LMOD3: variants seen among roughly 807,000 people sequenced by gnomAD.
LMOD3 encodes leiomodin 3, also known as leiomodin-3.
A neutral mutation model predicts 41.8 loss-of-function variants in LMOD3; 31 were observed. The ratio of observed to expected loss-of-function variants is 0.74; its 90% confidence interval spans 0.56 to 1.00. The LOEUF (loss-of-function observed/expected upper bound fraction) is 1.00. Ranked by LOEUF, LMOD3 falls within the 50% of genes least tolerant of loss-of-function variation. The pLI, the probability that LMOD3 is intolerant of heterozygous loss-of-function variation, is 0.00. For missense variants in LMOD3, 755 were observed against 679.5 expected (o/e 1.11, Z -1.23); for synonymous variants, 292 against 241.9 (o/e 1.21, Z -1.92).
rs916298895 is a variant in LMOD3, at chr3:69,106,912, T to A, written c.*2183A>T. 6.7e-6 allele frequency: 1 copy of A among 148,734 alleles called. No homozygotes were observed. The highest frequency in any genetic ancestry group is 6.7e-5 in the Admixed American group (1 of 14,908). 9.2% of individuals were successfully genotyped at this position (148,734 alleles called of 1,614,324 possible). On this transcript the variant is annotated 3_prime_UTR_variant, in exon 3 of 3. Transcript: ENST00000420581. ...TAGTAGAAATGGGGTTTCACCATGTTGGTCAGGCTGGTCTTGAACTCCTGA... is the reference window on the plus strand; with the variant it reads ...TAGTAGAAATGGGGTTTCACCATGTAGGTCAGGCTGGTCTTGAACTCCTGA...
At chr3:69,111,103 A>G (rs1455041910) in intron 2 of LMOD3, among the ~76,000 whole-genome samples, 2 of 152,090 alleles carry the variant, frequency 1.3e-5, no homozygotes, top group African/African-American at 2.4e-5. Flanking sequence ...GGGCATTTGT[A>G]TAACAATGAC....
chr3:69,112,300 G>T (rs2092353655), intron 2 of LMOD3, among the ~76,000 whole-genome samples: 1 of 152,204 alleles, frequency 6.6e-6, no homozygotes, highest in Non-Finnish European at 1.5e-5. Flanking sequence ...TTTCAGCACA[G>T]GCTATTTAAT....
At chr3:69,115,360 C>A (rs544906755) in intron 2 of LMOD3, among the ~76,000 whole-genome samples, 1 of 151,686 alleles carries the variant, frequency 6.6e-6, no homozygotes, top group South Asian at 2.1e-4. Flanking sequence ...GTGGTGAGTG[C>A]GGTCCCAGCT....
chr3:69,122,068 C>G, intron 1 of LMOD3, 25 bp downstream of exon 1: 1 of 1,589,092 alleles, frequency 6.3e-7, no homozygotes, highest in Non-Finnish European at 8.6e-7. Context: ...AGCCATTTCT[C>G]GGTTGTACAC....
Position 69,119,155 on chromosome 3 carries a change from TTTCTGCCTTTGTTTA to T in LMOD3, c.1185_1199del (p.Asp395_Lys400delinsGlu). On this transcript the variant is annotated inframe_deletion, in exon 2 of 3. Transcript: ENST00000420581. Reference sequence around the variant, plus strand: ...GCTGCTGTTTTTGCTCTTCCTGTCGTTTCTGCCTTTGTTTATCCTGATTCCTGGTGAGCAGATTAG... The same window carrying T: ...GCTGCTGTTTTTGCTCTTCCTGTCGTTCCTGATTCCTGGTGAGCAGATTAG... The T allele has an allele frequency of 6.2e-6, 10 of 1,613,912 alleles. No individual in the cohort carries two copies. The highest frequency in any genetic ancestry group is 8.5e-6 in the Non-Finnish European group (10 of 1,179,886).
At chr3:69,115,707 T>C (rs916789361) in intron 2 of LMOD3, among the ~76,000 whole-genome samples, 10 of 152,166 alleles carry the variant, frequency 6.6e-5, no homozygotes, top group African/African-American at 1.7e-4. Context: ...CAAGTGAACA[T>C]TGTCTTGTCT....
chr3:69,117,732 A>G (rs929355840), intron 2 of LMOD3, among the ~76,000 whole-genome samples: 4 of 152,172 alleles, frequency 2.6e-5, no homozygotes, highest in Non-Finnish European at 5.9e-5. Flanking sequence ...GAGCAATACA[A>G]ATGCAATTTC....
intron 2 of LMOD3, among the ~76,000 whole-genome samples, chr3:69,115,445 G>A (rs58277851): frequency 0.047 from 7,119 of 151,416 alleles, 445 homozygotes; most frequent in East Asian, 0.27. Flanking sequence ...TTGAGCTACT[G>A]CACTCCAGCC....
chr3:69,122,486 T>C lies in LMOD3; in HGVS notation c.-100A>G, dbSNP rs189115519. 693 of 879,012 alleles carry C rather than the reference T, an allele frequency of 7.9e-4. 7 individuals carry two copies. In the East Asian group the frequency reaches 0.014, roughly 18 times the overall value. 54.5% of individuals were successfully genotyped at this position (879,012 alleles called of 1,614,324 possible). The stretch of plus-strand genomic sequence containing the variant: ...TCAAGAAGGTCCCCCAGTTAACGAG[T>C]GTCCCAAGTTAACACACCCTTGAGA... On this transcript the variant is annotated 5_prime_UTR_variant, in exon 1 of 3. Transcript: ENST00000420581.
chr3:69,113,892 A>G (rs1032709784), intron 2 of LMOD3, among the ~76,000 whole-genome samples: 1 of 152,228 alleles, frequency 6.6e-6, no homozygotes, highest in African/African-American at 2.4e-5. Context: ...GGCCTATACC[A>G]GCCTAATGTC....
At chr3:69,117,471 A>G (rs1169223230) in intron 2 of LMOD3, among the ~76,000 whole-genome samples, 1 of 152,188 alleles carries the variant, frequency 6.6e-6, no homozygotes, top group Non-Finnish European at 1.5e-5. Flanking sequence ...ATATTACAGG[A>G]GATTTTAAAA....
chr3:69,118,733 T>C lies in LMOD3; in HGVS notation c.1622A>G (p.Asp541Gly), dbSNP rs2092388962. 2.5e-6 allele frequency: 4 copies of C among 1,612,616 alleles called. No individual in the cohort carries two copies. The highest frequency in any genetic ancestry group is 2.7e-5 in the African/African-American group (2 of 74,590). Residue 541 changes from aspartate to glycine, a missense_variant, in exon 2 of 3, where the codon GAC (aspartate) becomes GGC (glycine). Physicochemically the swap from Asp to Gly is moderately conservative, Grantham distance 94 (BLOSUM62 -1). Transcript: ENST00000420581. ...EITPRDQLLN[D>G]IRHSSVAYLK... ...ATAGGCGACACTGCTGTGACGAATG[T>C]CGTTTAGCAGCTGATCTCTGGGAGT... is the stretch of plus-strand genomic sequence containing the variant.
In LMOD3 at chr3:69,108,921, C is replaced by T. The variant is rs905783948; in HGVS notation, c.*174G>A. 76 of 544,310 alleles carry T rather than the reference C, an allele frequency of 1.4e-4. No individual in the cohort carries two copies. Among genetic ancestry groups the T allele is most frequent in the Middle Eastern group, 1.4e-3 (5 of 3,670 alleles). The allele number at this position is 544,310 out of a possible 1,614,324, so 33.7% of individuals were successfully genotyped here. ...CTCCTTCCACCTTCCTCTTCAGCCC[C>T]TACTTCTTCATGGCCCAAACATTCT... On this transcript the variant is annotated 3_prime_UTR_variant, in exon 3 of 3. Transcript: ENST00000420581.
intron 2 of LMOD3, among the ~76,000 whole-genome samples, chr3:69,109,873 A>G (rs1219026889): frequency 6.6e-6 from 1 of 152,142 alleles, no homozygotes; most frequent in Non-Finnish European, 1.5e-5. Context: ...AAAGCCTTGT[A>G]GGGAGAGAAA....
In LMOD3 at chr3:69,119,919, C is replaced by T; in HGVS notation, c.436G>A (p.Glu146Lys). The change falls in exon 2 of 3, where the codon GAA becomes AAA. Residue 146 changes from glutamate to lysine, a missense_variant. Physicochemically the swap from Glu to Lys is moderately conservative, Grantham distance 56. Coordinates refer to ENST00000420581, the MANE Select transcript of LMOD3 (RefSeq NM_198271.5). ...GSSNIQETDE[E>K]DEEEEDDDDD... The stretch of plus-strand genomic sequence containing the variant: ...TCATCATCTTCTTCTTCTTCATCTT[C>T]TTCATCTGTTTCTTGGATATTGCTG... The T allele has an allele frequency of 1.3e-6, 2 of 1,553,988 alleles. No homozygotes were observed. The highest frequency in any genetic ancestry group is 1.7e-6 in the Non-Finnish European group (2 of 1,146,002).
intron 2 of LMOD3, among the ~76,000 whole-genome samples, chr3:69,113,364 C>A (rs1315620939): frequency 6.6e-6 from 1 of 152,022 alleles, no homozygotes; most frequent in East Asian, 1.9e-4. Flanking sequence ...GAGAAAATTT[C>A]CCATTATGTG....
intron 2 of LMOD3, among the ~76,000 whole-genome samples, chr3:69,118,428 T>TACC (rs2092387358): frequency 6.6e-6 from 1 of 152,176 alleles, no homozygotes; most frequent in African/African-American, 2.4e-5. Context: ...TTAATTCATA[T>TACC]AACAACTCCA....
chr3:69,120,972 G>A (rs1212078080), intron 1 of LMOD3, among the ~76,000 whole-genome samples: 1 of 152,100 alleles, frequency 6.6e-6, no homozygotes, highest in Non-Finnish European at 1.5e-5. Context: ...GTTCATTTGA[G>A]CAAAAATTTC....
In LMOD3 at chr3:69,119,020, T is replaced by C. The variant is rs759597732; in HGVS notation, c.1335A>G (p.Glu445=). 7 of 1,613,508 alleles carry C rather than the reference T, an allele frequency of 4.3e-6. No homozygotes were observed. The African/African-American group carries it at 8.0e-5, about 18-fold the overall frequency. Residue 445 remains glutamate, a synonymous_variant, in exon 2 of 3, where the codon GAA becomes GAG. Coordinates refer to ENST00000420581, the MANE Select transcript of LMOD3 (RefSeq NM_198271.5). ...GGPKPDSRMQ[E]FFQPPPPRPP... ...GCCGAGGTGGCGGTGGCTGGAAGAA[T>C]TCCTGCATTCTGGAATCTGGCTTGG... is the stretch of plus-strand genomic sequence containing the variant.
Sources: allele counts gnomAD v4.1 joint callset (sites outside exome capture counted in the v4.1 genomes callset), GRCh38; gene constraint gnomAD v4.1.1; transcripts MANE v1.5; gene names NCBI Gene and HGNC (gene_info 2026-07-23, HGNC 2026-07-21).